The following MRPS27 variants were observed in gnomAD, a reference collection of about 807,000 sequenced individuals.
MRPS27 encodes small ribosomal subunit protein mS27.
A neutral mutation model predicts 48.9 loss-of-function variants in MRPS27; 43 were observed. The observed-to-expected ratio is 0.88, with a 90% confidence interval of 0.69 to 1.13. MRPS27 has a LOEUF of 1.13. MRPS27 is among the 50% of genes most tolerant of loss of function. MRPS27 has a pLI of 0.00. For missense variants in MRPS27, 467 were observed against 476.3 expected (o/e 0.98, Z 0.18); for synonymous variants, 188 against 171.9 (o/e 1.09, Z -0.73).
rs140144671 is a variant in MRPS27, at chr5:72,228,153, G to T, written c.694+113C>A. 15 of 915,552 alleles carry T rather than the reference G, an allele frequency of 1.6e-5. No homozygotes were observed. In the South Asian group the frequency reaches 2.1e-4, roughly 13 times the overall value. The allele number at this position is 915,552 out of a possible 1,614,324, so 56.7% of individuals were successfully genotyped here. On this transcript the variant is annotated intron_variant, in intron 8 of 10. Transcript: ENST00000261413. ...TCTATTTTTATGTCTAAAAACGAAG[G>T]CTAATTGGATTTCACTGGTAAATTT...
At chr5:72,293,472 C>T (rs1247752943) in intron 4 of MRPS27, among the ~76,000 whole-genome samples, 3 of 152,106 alleles carry the variant, frequency 2.0e-5, no homozygotes, top group Non-Finnish European at 4.4e-5. Flanking sequence ...TTTATTTGAT[C>T]TATATGGAAA....
chr5:72,265,823 A>C (rs558659808), intron 4 of MRPS27, among the ~76,000 whole-genome samples: 1 of 152,360 alleles, frequency 6.6e-6, no homozygotes, highest in South Asian at 2.1e-4. Flanking sequence ...TTGAAAAAGA[A>C]GCCTGGCTCT....
chr5:72,296,971 T>C (rs1479595249), intron 3 of MRPS27, among the ~76,000 whole-genome samples: 1 of 152,146 alleles, frequency 6.6e-6, no homozygotes, highest in Non-Finnish European at 1.5e-5. Flanking sequence ...AGCCCAGATA[T>C]ATTTGAAGCA....
At chr5:72,246,039 A>G (rs1748504377) in intron 4 of MRPS27, among the ~76,000 whole-genome samples, 1 of 152,172 alleles carries the variant, frequency 6.6e-6, no homozygotes, top group South Asian at 2.1e-4. Flanking sequence ...TGACTCCTCT[A>G]TTAAGCTTTT....
chr5:72,261,589 T>A (rs1222624508), intron 4 of MRPS27, among the ~76,000 whole-genome samples: 1 of 151,884 alleles, frequency 6.6e-6, no homozygotes, highest in African/African-American at 2.4e-5. Flanking sequence ...GAGAGTAGAA[T>A]AAAATAGGAG....
At chr5:72,221,943 A>G (rs1446011885) in intron 10 of MRPS27, among the ~76,000 whole-genome samples, 1 of 151,880 alleles carries the variant, frequency 6.6e-6, no homozygotes, top group Non-Finnish European at 1.5e-5. Context: ...TTTAAGATGT[A>G]CTCTCTCATT....
chr5:72,292,824 G>A (rs1021045461), intron 4 of MRPS27, among the ~76,000 whole-genome samples: 25 of 152,210 alleles, frequency 1.6e-4, no homozygotes, highest in African/African-American at 6.0e-4. Flanking sequence ...CTGTGGGCTT[G>A]TCTGTTAAAG....
chr5:72,226,713 C>T (rs1478711056), intron 8 of MRPS27, among the ~76,000 whole-genome samples: 1 of 151,980 alleles, frequency 6.6e-6, no homozygotes, highest in Non-Finnish European at 1.5e-5. Flanking sequence ...AAAAAAAACC[C>T]CTCATCTTTC....
intron 4 of MRPS27, among the ~76,000 whole-genome samples, chr5:72,246,897 A>AT (rs1748523868): frequency 6.6e-6 from 1 of 152,228 alleles, no homozygotes; most frequent in African/African-American, 2.4e-5. Context: ...TTTAAAAAAC[A>AT]TTTTTGTGGT....
chr5:72,250,321 A>G (rs952487835), intron 4 of MRPS27, among the ~76,000 whole-genome samples: 1 of 152,132 alleles, frequency 6.6e-6, no homozygotes, highest in Non-Finnish European at 1.5e-5. Flanking sequence ...TACTTTTACT[A>G]CTTAGGGATA....
At chr5:72,225,635 T>C (rs932181675) in intron 9 of MRPS27, among the ~76,000 whole-genome samples, 19 of 152,330 alleles carry the variant, frequency 1.2e-4, no homozygotes, top group South Asian at 2.1e-4. Flanking sequence ...TGGTTTAAGA[T>C]GGTTCCATCT....
At chr5:72,258,667 G>A (rs748197992) in intron 4 of MRPS27, among the ~76,000 whole-genome samples, 38 of 152,222 alleles carry the variant, frequency 2.5e-4, no homozygotes, top group Middle Eastern at 3.4e-3. Flanking sequence ...ATAGAACATG[G>A]CAATCAAGGT....
At chr5:72,284,222 G>A (rs1396133506) in intron 4 of MRPS27, among the ~76,000 whole-genome samples, 4 of 150,750 alleles carry the variant, frequency 2.7e-5, no homozygotes, top group African/African-American at 7.3e-5. Flanking sequence ...AGACCAGCCT[G>A]GGCAACATTG....
At chr5:72,312,443 C>T (rs1750465114) in intron 2 of MRPS27, among the ~76,000 whole-genome samples, 2 of 151,304 alleles carry the variant, frequency 1.3e-5, no homozygotes, top group Admixed American at 1.3e-4. Context: ...TACCGCATCT[C>T]TACCCATCTA....
chr5:72,252,373 T>C (rs1580071941), intron 4 of MRPS27, among the ~76,000 whole-genome samples: 1 of 152,216 alleles, frequency 6.6e-6, no homozygotes, highest in African/African-American at 2.4e-5. Context: ...AAAATCATAC[T>C]GAAGGAAGGC....
intron 4 of MRPS27, among the ~76,000 whole-genome samples, chr5:72,252,553 G>T (rs535203442): frequency 2.7e-4 from 41 of 152,268 alleles, no homozygotes; most frequent in African/African-American, 9.6e-4. Context: ...AATTGAAGGG[G>T]ATTAAAATCC....
chr5:72,290,037 G>C (rs924906743), intron 4 of MRPS27, among the ~76,000 whole-genome samples: 1 of 152,202 alleles, frequency 6.6e-6, no homozygotes, highest in Non-Finnish European at 1.5e-5. Flanking sequence ...ACTAACACAA[G>C]AATGGTTAAA....
In MRPS27 at chr5:72,234,192, T is replaced by G; in HGVS notation, c.402A>C (p.Gln134His). 6.7e-7 allele frequency: 1 copy of G among 1,500,386 alleles called. No individual in the cohort carries two copies. The highest frequency in any genetic ancestry group is 2.6e-5 in the East Asian group (1 of 39,156). 92.9% of individuals were successfully genotyped at this position (1,500,386 alleles called of 1,614,324 possible). ...TAAAGTTATCTGGAAAAATTCCATA[T>G]TGAACCTATAATGAAAATGAACATA... Reference protein sequence around the residue: ...KALYTLVNKVQYGIFPDNFTF... With the variant: ...KALYTLVNKVHYGIFPDNFTF... The change falls in exon 6 of 11, where the codon CAA becomes CAC. Residue 134 changes from glutamine to histidine, a missense_variant. By Grantham distance (24) the Gln-to-His change is conservative. Coordinates refer to ENST00000261413, the MANE Select transcript of MRPS27 (RefSeq NM_015084.3).
chr5:72,293,602 T>C (rs1211442937), intron 4 of MRPS27, among the ~76,000 whole-genome samples: 1 of 152,174 alleles, frequency 6.6e-6, no homozygotes, highest in African/African-American at 2.4e-5. Context: ...TCAGTAATAC[T>C]TGGAGAATGT....
Sources: gnomAD v4.1 joint callset for allele counts (sites outside exome capture counted in the v4.1 genomes callset) on GRCh38, gnomAD v4.1.1 for gene constraint, MANE v1.5 for transcripts, NCBI Gene and HGNC (gene_info 2026-07-23, HGNC 2026-07-21) for gene names.